Variants in TTLL11 observed in about 807,000 individuals in gnomAD.
The protein encoded by TTLL11 is tubulin polyglutamylase TTLL11.
Under a neutral mutation model 51.7 loss-of-function variants are expected in TTLL11, and 42 were observed. That is an observed-to-expected ratio of 0.81 (90% CI 0.64 to 1.05). The LOEUF (loss-of-function observed/expected upper bound fraction) is 1.05, where lower values mean the gene tolerates loss of function less well. Ranked by LOEUF, TTLL11 falls within the 50% of genes least tolerant of loss-of-function variation. The pLI is 0.00. For missense variants in TTLL11, 799 were observed against 940.4 expected (o/e 0.85, Z 1.97); for synonymous variants, 381 against 383.5 (o/e 0.99, Z 0.08).
At chr9:122,037,861 G>A (rs1430997933) in intron 2 of TTLL11, among the ~76,000 whole-genome samples, 1 of 152,182 alleles carries the variant, frequency 6.6e-6, no homozygotes, top group Non-Finnish European at 1.5e-5. Context: ...TAGTGAACTT[G>A]TAAGACTGCA....
intron 2 of TTLL11, among the ~76,000 whole-genome samples, chr9:122,032,367 T>A (rs1844578541): frequency 6.6e-6 from 1 of 152,122 alleles, no homozygotes; most frequent in Admixed American, 6.5e-5. Flanking sequence ...CACACATCTT[T>A]CAGCATAAAA....
chr9:121,907,228 T>A (rs977590793), intron 6 of TTLL11, among the ~76,000 whole-genome samples: 1 of 151,940 alleles, frequency 6.6e-6, no homozygotes, highest in Non-Finnish European at 1.5e-5. Context: ...GGTGGGAGGA[T>A]CACCTGAGGT....
At chr9:121,834,567 G>T (rs1298525290) in intron 8 of TTLL11, among the ~76,000 whole-genome samples, 1 of 150,276 alleles carries the variant, frequency 6.7e-6, no homozygotes, top group South Asian at 2.2e-4. Context: ...GGTGGCTCAC[G>T]CCTGTAATCC....
Position 121,822,787 on chromosome 9 carries a change from T to G in TTLL11, c.1933A>C (p.Ile645Leu). 4 of 1,551,644 alleles carry G rather than the reference T, an allele frequency of 2.6e-6. No individual in the cohort carries two copies. Among genetic ancestry groups the G allele is most frequent in the Non-Finnish European group, 3.5e-6 (4 of 1,146,966 alleles). ...LPLHEQVASL[I>L]DLCEYHLSLL... The stretch of plus-strand genomic sequence containing the variant: ...GACAGGTGGTACTCGCAAAGGTCAA[T>G]CAGTGAGGCCACCTGCTCATGAAGT... Residue 645 changes from isoleucine (I) to leucine (L), a missense_variant, in exon 9 of 9, where the codon ATT becomes CTT. By Grantham distance (5) the Ile-to-Leu change is conservative. This residue lies in a region of TTLL11 where 165 missense variants were observed against 166.1 expected (regional missense o/e 0.99). Coordinates refer to ENST00000321582, the MANE Select transcript of TTLL11 (RefSeq NM_001139442.2). The surrounding 1 kb of genome is among the most constrained non-coding windows in gnomAD (Gnocchi z 5.8).
chr9:122,054,921 A>T (rs1845250549), intron 1 of TTLL11, among the ~76,000 whole-genome samples: 1 of 152,126 alleles, frequency 6.6e-6, no homozygotes. Flanking sequence ...GTCACACCTG[A>T]CTTCTCTTAG....
At chr9:122,064,345 T>C (rs1196713987) in intron 1 of TTLL11, among the ~76,000 whole-genome samples, 1 of 152,176 alleles carries the variant, frequency 6.6e-6, no homozygotes, top group Non-Finnish European at 1.5e-5. Context: ...ATGTTAAGAA[T>C]ACTGGAAACT....
chr9:121,989,794 C>G lies in TTLL11; in HGVS notation c.694-24G>C, dbSNP rs763613420. Reference sequence around the variant, plus strand: ...ACCTGGAGGGGGAAAAAAGGATGGCCGACATTATATTGTTTTCCCTCTGGA... The same window carrying G: ...ACCTGGAGGGGGAAAAAAGGATGGCGGACATTATATTGTTTTCCCTCTGGA... On this transcript the variant is annotated intron_variant, in intron 3 of 8. Coordinates refer to ENST00000321582, the MANE Select transcript of TTLL11 (RefSeq NM_001139442.2). This position sits in a 1 kb window ranked among gnomAD's most constrained non-coding sequence, Gnocchi z 4.2. 1.3e-6 allele frequency: 2 copies of G among 1,567,070 alleles called. No individual in the cohort carries two copies. The highest frequency in any genetic ancestry group is 2.2e-5 in the East Asian group (1 of 44,474).
At chr9:121,920,164 G>A (rs573098637) in intron 6 of TTLL11, among the ~76,000 whole-genome samples, 3 of 152,266 alleles carry the variant, frequency 2.0e-5, no homozygotes, top group South Asian at 2.1e-4. Flanking sequence ...TTTGCCAGGT[G>A]TGGTGGCGCA....
intron 4 of TTLL11, among the ~76,000 whole-genome samples, chr9:121,983,910 A>G (rs934319245): frequency 2.0e-5 from 3 of 152,154 alleles, no homozygotes; most frequent in African/African-American, 7.2e-5. Flanking sequence ...TTAGAGTCCA[A>G]AGGAAGAAAA....
At chr9:121,934,260 A>AAATAAATG (rs1352204887) in intron 6 of TTLL11, among the ~76,000 whole-genome samples, 1 of 150,762 alleles carries the variant, frequency 6.6e-6, no homozygotes, top group Non-Finnish European at 1.5e-5. Context: ...ATAAATAAAT[A>AAATAAATG]AATAAATCCA....
chr9:121,877,107 G>A (rs995591718), intron 6 of TTLL11, among the ~76,000 whole-genome samples: 3 of 152,210 alleles, frequency 2.0e-5, no homozygotes, highest in African/African-American at 7.2e-5. Flanking sequence ...CAGTGGTGCC[G>A]CATGGCAAAG....
chr9:121,863,677 G>T (rs1027665747), intron 7 of TTLL11, among the ~76,000 whole-genome samples: 2 of 152,228 alleles, frequency 1.3e-5, no homozygotes, highest in Non-Finnish European at 2.9e-5. Flanking sequence ...TGCCTTAAAA[G>T]AATCTTGATT....
chr9:121,859,268 A>G (rs1186631424), intron 8 of TTLL11, among the ~76,000 whole-genome samples: 1 of 151,962 alleles, frequency 6.6e-6, no homozygotes, highest in Non-Finnish European at 1.5e-5. Flanking sequence ...AGACAGGCGG[A>G]TCACTTGAGC....
At chr9:122,022,487 A>G (rs1223207010) in intron 3 of TTLL11, among the ~76,000 whole-genome samples, 1 of 152,078 alleles carries the variant, frequency 6.6e-6, no homozygotes, top group Admixed American at 6.5e-5. Flanking sequence ...CAATATATTA[A>G]AAGTGCTGAA....
chr9:121,932,461 A>G (rs184825366), intron 6 of TTLL11, among the ~76,000 whole-genome samples: 1 of 152,290 alleles, frequency 6.6e-6, no homozygotes, highest in East Asian at 1.9e-4. Context: ...GAGTAGGATG[A>G]GCTTTCACAA....
intron 7 of TTLL11, among the ~76,000 whole-genome samples, chr9:121,860,657 G>A (rs544789288): frequency 2.6e-5 from 4 of 152,194 alleles, no homozygotes; most frequent in African/African-American, 9.7e-5. Context: ...TGCTCTTCTA[G>A]GAAGAGACAC....
chr9:121,875,350 G>A (rs1838526233), intron 6 of TTLL11, among the ~76,000 whole-genome samples: 1 of 152,196 alleles, frequency 6.6e-6, no homozygotes, highest in African/African-American at 2.4e-5. Flanking sequence ...TCTTTCTCCA[G>A]GGTCCAACTC....
chr9:122,009,582 C>T (rs1441241586), intron 3 of TTLL11, among the ~76,000 whole-genome samples: 1 of 151,122 alleles, frequency 6.6e-6, no homozygotes. Context: ...AACACATTTA[C>T]TATATAAACA....
chr9:121,870,693 G>A lies in TTLL11; in HGVS notation c.1537C>T (p.Leu513=), dbSNP rs1368729636. Residue 513 remains leucine, a synonymous_variant, in exon 7 of 9, where the codon CTG becomes TTG. Transcript: ENST00000321582. ...GCGTTGCAGTCTGGAGCACTGGTCA[G>A]CTCGCCGTCCAAAGCATCTTCCTTT... is the stretch of plus-strand genomic sequence containing the variant. The part of the protein sequence containing the change: ...AGKEDALDGE[L]TSAPDCNANP... 5 of 1,551,538 alleles carry A rather than the reference G, an allele frequency of 3.2e-6. No individual in the cohort carries two copies. Among genetic ancestry groups the A allele is most frequent in the Non-Finnish European group, 4.4e-6 (5 of 1,146,848 alleles).
Sources: allele counts gnomAD v4.1 joint callset (sites outside exome capture counted in the v4.1 genomes callset), GRCh38; gene constraint gnomAD v4.1.1; regional missense constraint gnomAD v4.1.1; non-coding constraint Gnocchi (gnomAD v3.1); transcripts MANE v1.5; gene names NCBI Gene and HGNC (gene_info 2026-07-23, HGNC 2026-07-21).